The following SLC25A12 variants were observed in gnomAD, a reference collection of about 807,000 sequenced individuals.
SLC25A12 encodes electrogenic aspartate/glutamate antiporter SLC25A12, mitochondrial.
SLC25A12 carries 32 observed loss-of-function variants against 83.3 expected under a neutral mutation model. The observed-to-expected ratio is 0.38, with a 90% CI of 0.29 to 0.52. The LOEUF is 0.52. Ranked by LOEUF, SLC25A12 falls within the 20% of genes least tolerant of loss-of-function variation. The pLI is 0.84. For missense variants in SLC25A12, 611 were observed against 835.6 expected (o/e 0.73, Z 3.31); for synonymous variants, 267 against 291.1 (o/e 0.92, Z 0.84).
intron 4 of SLC25A12, among the ~76,000 whole-genome samples, chr2:171,848,870 A>G (rs1331859280): frequency 6.6e-6 from 1 of 152,202 alleles, no homozygotes; most frequent in Non-Finnish European, 1.5e-5. Flanking sequence ...GTAAAGGTCC[A>G]TTTCTCAGGA....
intron 11 of SLC25A12, among the ~76,000 whole-genome samples, chr2:171,812,388 C>A (rs960271363): frequency 6.6e-6 from 1 of 152,048 alleles, no homozygotes; most frequent in African/African-American, 2.4e-5. Flanking sequence ...TTCAACAGAG[C>A]TCAGAATAGG....
At chr2:171,873,505 G>C (rs6725388) in intron 2 of SLC25A12, among the ~76,000 whole-genome samples, 47,333 of 151,974 alleles carry the variant, frequency 0.31, 7,650 homozygotes, top group African/African-American at 0.38. Context: ...AACCAACACA[G>C]TGGGCATGAA....
chr2:171,849,428 G>T, intron 4 of SLC25A12, among the ~76,000 whole-genome samples: 2 of 150,676 alleles, frequency 1.3e-5, no homozygotes, highest in African/African-American at 2.4e-5. Context: ...AAATCTTCCT[G>T]ATTTAATTTG....
At chr2:171,884,170 G>A (rs1172169390) in intron 2 of SLC25A12, among the ~76,000 whole-genome samples, 1 of 146,780 alleles carries the variant, frequency 6.8e-6, no homozygotes, top group Non-Finnish European at 1.5e-5. Context: ...ATGAGCCAGT[G>A]TGCCCAGCCA....
chr2:171,830,493 C>T (rs533563038), intron 8 of SLC25A12, among the ~76,000 whole-genome samples: 33 of 152,130 alleles, frequency 2.2e-4, no homozygotes, highest in Admixed American at 1.5e-3. Flanking sequence ...ACCTCATGTA[C>T]TCCTTTGTTT....
Position 171,834,007 on chromosome 2 carries a change from T to C in SLC25A12, c.801A>G (p.Glu267=), listed in dbSNP as rs1327693263. ...AIRYGQVTPL[E]IDILYQLADL... is the part of the protein sequence containing the mutation. Reference sequence around the variant, plus strand: ...CTGCAAGCTGATATAGAATATCAATTTCTAGTGGTGTGACTTGTCCATAGC... The same window carrying C: ...CTGCAAGCTGATATAGAATATCAATCTCTAGTGGTGTGACTTGTCCATAGC... The change falls in exon 8 of 18, where the codon GAA becomes GAG. Residue 267 remains glutamate (E), a synonymous_variant. Coordinates refer to ENST00000422440, the MANE Select transcript of SLC25A12 (RefSeq NM_003705.5). The C allele has an allele frequency of 6.2e-7, 1 of 1,610,104 alleles. No individual in the cohort carries two copies. The highest frequency in any genetic ancestry group is 1.1e-5 in the South Asian group (1 of 90,984).
chr2:171,886,967 T>C (rs74902341), intron 2 of SLC25A12, among the ~76,000 whole-genome samples: 1 of 152,344 alleles, frequency 6.6e-6, no homozygotes, highest in African/African-American at 2.4e-5. Flanking sequence ...TATCACCCTT[T>C]AATACTTGAT....
At position 171,818,837 on chromosome 2, in the gene SLC25A12, T is replaced by A. The variant is rs536628848; in HGVS notation, c.931-3635A>T. Among the ~76,000 whole-genome samples, 4 of 151,508 alleles carry A rather than the reference T, an allele frequency of 2.6e-5. No individual in the cohort carries two copies. In the South Asian group the frequency reaches 8.4e-4, roughly 32 times the overall value. On this transcript the variant is annotated intron_variant, in intron 9 of 17. Coordinates refer to ENST00000422440, the MANE Select transcript of SLC25A12 (RefSeq NM_003705.5). ...TTTCAAATGACACACTATTAATGGG[T>A]AGAATAAAAGGGAGAAATAGCTAAA...
chr2:171,810,136 T>G, intron 12 of SLC25A12, 88 bp downstream of exon 12: 110 of 1,118,116 alleles, frequency 9.8e-5, no homozygotes, highest in Non-Finnish European at 1.4e-4. Context: ...ATTATAGGCA[T>G]GAGCTACCAC....
At chr2:171,884,418 T>G (rs916108888) in intron 2 of SLC25A12, among the ~76,000 whole-genome samples, 4 of 149,532 alleles carry the variant, frequency 2.7e-5, no homozygotes, top group Non-Finnish European at 5.9e-5. Context: ...CTCGAACTCC[T>G]GACCTCGTGG....
intron 5 of SLC25A12, among the ~76,000 whole-genome samples, chr2:171,841,913 G>A (rs1684680316): frequency 6.6e-6 from 1 of 152,192 alleles, no homozygotes; most frequent in Non-Finnish European, 1.5e-5. Flanking sequence ...TTCTGGCCCT[G>A]AAGCAGGTGA....
chr2:171,845,362 A>C (rs1429113307), intron 4 of SLC25A12, among the ~76,000 whole-genome samples: 1 of 152,072 alleles, frequency 6.6e-6, no homozygotes, highest in Non-Finnish European at 1.5e-5. Context: ...GACTGGATAA[A>C]CTAATTTAGA....
chr2:171,823,344 G>A (rs1049695735), intron 9 of SLC25A12, among the ~76,000 whole-genome samples: 2 of 152,144 alleles, frequency 1.3e-5, no homozygotes, highest in African/African-American at 4.8e-5. Flanking sequence ...GCAGGAGCTT[G>A]AAGGCTTCTC....
chr2:171,818,338 T>G (rs1684099432), intron 9 of SLC25A12, among the ~76,000 whole-genome samples: 1 of 152,118 alleles, frequency 6.6e-6, no homozygotes, highest in African/African-American at 2.4e-5. Flanking sequence ...GTTAATTAAG[T>G]GTTTTTCAAA....
intron 9 of SLC25A12, among the ~76,000 whole-genome samples, chr2:171,826,485 G>A (rs185432479): frequency 2.6e-5 from 4 of 152,176 alleles, no homozygotes; most frequent in African/African-American, 7.2e-5. Flanking sequence ...GTGCACGCCT[G>A]TAATCCCAAT....
At chr2:171,821,147 A>G (rs565224262) in intron 9 of SLC25A12, among the ~76,000 whole-genome samples, 1 of 143,724 alleles carries the variant, frequency 7.0e-6, no homozygotes, top group Admixed American at 7.4e-5. Flanking sequence ...CTCGTGCCTC[A>G]GCCTCCCGAG....
chr2:171,794,611 A>G (rs1401858558), intron 13 of SLC25A12, among the ~76,000 whole-genome samples: 3 of 151,984 alleles, frequency 2.0e-5, no homozygotes, highest in African/African-American at 7.2e-5. Flanking sequence ...AACGTTTAAC[A>G]AAACTTCTAC....
chr2:171,868,010 A>G (rs1376024280), intron 3 of SLC25A12, among the ~76,000 whole-genome samples: 1 of 151,668 alleles, frequency 6.6e-6, no homozygotes, highest in African/African-American at 2.4e-5. Context: ...GTGTCTGGCT[A>G]ATTTTTGTAT....
chr2:171,829,748 C>A (rs760077630), intron 8 of SLC25A12, among the ~76,000 whole-genome samples: 1 of 152,210 alleles, frequency 6.6e-6, no homozygotes, highest in Non-Finnish European at 1.5e-5. Context: ...CATAGAGAGA[C>A]GTTCAATTCA....
Sources: allele counts gnomAD v4.1 joint callset (sites outside exome capture counted in the v4.1 genomes callset), GRCh38; gene constraint gnomAD v4.1.1; transcripts MANE v1.5; gene names NCBI Gene and HGNC (gene_info 2026-07-23, HGNC 2026-07-21).